SLC24A2: variants seen among roughly 807,000 people sequenced by gnomAD.
SLC24A2 encodes the protein sodium/potassium/calcium exchanger 2.
In SLC24A2, 36 loss-of-function variants were observed where a neutral mutation model predicts 62.0. That is an observed-to-expected ratio of 0.58 (90% confidence interval 0.44 to 0.77). SLC24A2 has a LOEUF of 0.77. Ranked by LOEUF, SLC24A2 falls within the 30% of genes least tolerant of loss-of-function variation. The pLI is 0.00. For synonymous variants in SLC24A2, 358 were observed against 294.0 expected (o/e 1.22, Z -2.23); for missense variants, 846 against 817.9 (o/e 1.03, Z -0.42).
intron 2 of SLC24A2, among the ~76,000 whole-genome samples, chr9:19,780,805 G>A (rs1310912438): frequency 6.7e-6 from 1 of 150,008 alleles, no homozygotes; most frequent in Non-Finnish European, 1.5e-5. Context: ...CCCGGGAGGC[G>A]GAGCCTGCAG....
the SLC24A2 span, among the ~76,000 whole-genome samples, chr9:20,208,525 T>C: frequency 3.3e-5 from 5 of 152,236 alleles, no homozygotes; most frequent in East Asian, 7.7e-4. Flanking sequence ...GATGTATTTC[T>C]CCATCAGTGC....
At chr9:20,101,644 G>A in the SLC24A2 span, among the ~76,000 whole-genome samples, 25 of 152,148 alleles carry the variant, frequency 1.6e-4, no homozygotes, top group South Asian at 2.1e-4. Context: ...AGGAGTTTCC[G>A]GGGAGAAAAG....
the SLC24A2 span, among the ~76,000 whole-genome samples, chr9:19,932,624 A>T: frequency 6.6e-6 from 1 of 152,168 alleles, no homozygotes; most frequent in Non-Finnish European, 1.5e-5. Context: ...GGGTATGTGG[A>T]AGAAGAGGGC....
the SLC24A2 span, among the ~76,000 whole-genome samples, chr9:20,232,187 T>A: frequency 6.6e-6 from 1 of 152,216 alleles, no homozygotes; most frequent in Non-Finnish European, 1.5e-5. Context: ...GATATTGGTC[T>A]AAAATTCTCT....
At chr9:20,144,640 C>G in the SLC24A2 span, among the ~76,000 whole-genome samples, 2 of 152,080 alleles carry the variant, frequency 1.3e-5, no homozygotes, top group African/African-American at 4.8e-5. Context: ...GCAGGCATCC[C>G]CCAGTGCACT....
intron 2 of SLC24A2, among the ~76,000 whole-genome samples, chr9:19,770,634 A>G (rs890151744): frequency 6.6e-6 from 1 of 152,216 alleles, no homozygotes; most frequent in Admixed American, 6.5e-5. Flanking sequence ...AGAAAATTGG[A>G]AACAGATAAA....
the SLC24A2 span, among the ~76,000 whole-genome samples, chr9:20,217,849 T>C: frequency 3.3e-5 from 5 of 152,236 alleles, no homozygotes; most frequent in Non-Finnish European, 7.3e-5. Context: ...CCCAGTTTGC[T>C]TTTGTATTGC....
chr9:19,732,212 TG>T (rs1821360657), intron 2 of SLC24A2, among the ~76,000 whole-genome samples: 2 of 152,196 alleles, frequency 1.3e-5, no homozygotes, highest in Non-Finnish European at 2.9e-5. Flanking sequence ...TGACCCCTAG[TG>T]GGCACATTAT....
At chr9:20,287,213 C>G in the SLC24A2 span, among the ~76,000 whole-genome samples, 3 of 152,190 alleles carry the variant, frequency 2.0e-5, no homozygotes, top group Admixed American at 6.5e-5. Flanking sequence ...TGTGACTCAG[C>G]AGTTTAAAAG....
chr9:19,583,701 T>C (rs1422649251), intron 5 of SLC24A2, among the ~76,000 whole-genome samples: 1 of 152,254 alleles, frequency 6.6e-6, no homozygotes, highest in East Asian at 1.9e-4. Context: ...AGGAACTTTC[T>C]AGAGGTAAGT....
chr9:19,620,509 G>A (rs979686613), intron 3 of SLC24A2, among the ~76,000 whole-genome samples: 1 of 152,192 alleles, frequency 6.6e-6, no homozygotes, highest in Non-Finnish European at 1.5e-5. Context: ...GTTGTGATCC[G>A]TTGGCCAAAT....
the SLC24A2 span, among the ~76,000 whole-genome samples, chr9:19,968,666 C>A: frequency 2.0e-5 from 3 of 152,160 alleles, no homozygotes; most frequent in Admixed American, 2.0e-4. Flanking sequence ...AAGGACTTCA[C>A]CCAAGGTCAC....
At chr9:19,798,291 A>T in the SLC24A2 span, among the ~76,000 whole-genome samples, 102 of 152,292 alleles carry the variant, frequency 6.7e-4, no homozygotes, top group African/African-American at 2.1e-3. Flanking sequence ...ATTTGTTGCT[A>T]AAAACAAGGC....
chr9:20,091,534 G>A, the SLC24A2 span, among the ~76,000 whole-genome samples: 1 of 151,860 alleles, frequency 6.6e-6, no homozygotes, highest in African/African-American at 2.4e-5. Flanking sequence ...AGAAGAGACT[G>A]GGGACCTATA....
At chr9:19,520,778 G>A in intron 10 of SLC24A2, 116 bp downstream of exon 10, 1 of 896,386 alleles carries the variant, frequency 1.1e-6, no homozygotes, top group South Asian at 1.3e-5. Flanking sequence ...TCTTTACTCT[G>A]TATTGGTATT....
At chr9:19,912,949 T>G in the SLC24A2 span, among the ~76,000 whole-genome samples, 1 of 152,140 alleles carries the variant, frequency 6.6e-6, no homozygotes, top group East Asian at 1.9e-4. Flanking sequence ...TTGTAAAAAT[T>G]TAAATGAACC....
chr9:19,766,243 T>C (rs994342384), intron 2 of SLC24A2, among the ~76,000 whole-genome samples: 2 of 152,216 alleles, frequency 1.3e-5, no homozygotes, highest in African/African-American at 4.8e-5. Context: ...GGCTAGAATA[T>C]GTTCCTTTAG....
intron 2 of SLC24A2, among the ~76,000 whole-genome samples, chr9:19,625,591 A>G (rs917012521): frequency 1.3e-5 from 2 of 152,144 alleles, no homozygotes; most frequent in Admixed American, 6.6e-5. Context: ...AATGACTCAA[A>G]TTAGTCATAT....
chr9:19,901,038 T>C, the SLC24A2 span, among the ~76,000 whole-genome samples: 1 of 152,212 alleles, frequency 6.6e-6, no homozygotes, highest in Non-Finnish European at 1.5e-5. Context: ...TTCCTAGCTG[T>C]GGGACCTTGA....
Sources: gnomAD v4.1 joint callset for allele counts (sites outside exome capture counted in the v4.1 genomes callset) on GRCh38, gnomAD v4.1.1 for gene constraint, MANE v1.5 for transcripts, NCBI Gene and HGNC (gene_info 2026-07-23, HGNC 2026-07-21) for gene names.